The following HIVEP3 variants were observed in gnomAD, a reference collection of about 807,000 sequenced individuals.
HIVEP3 encodes the protein transcription factor HIVEP3.
Under a neutral mutation model 152.8 loss-of-function variants are expected in HIVEP3, and 49 were observed. That is an observed-to-expected ratio of 0.32 (90% confidence interval 0.26 to 0.41). HIVEP3 has a LOEUF of 0.41. Among genes scored for constraint, HIVEP3 ranks in the 10% least tolerant of loss-of-function variants. HIVEP3 has a pLI of 1.00. For synonymous variants in HIVEP3, 1,269 were observed against 1,289.0 expected (o/e 0.98, Z 0.33); for missense variants, 2,790 against 3,103.3 (o/e 0.90, Z 2.40).
chr1:41,785,514 G>A (rs1649295137), intron 1 of HIVEP3, among the ~76,000 whole-genome samples: 1 of 152,194 alleles, frequency 6.6e-6, no homozygotes, highest in African/African-American at 2.4e-5. Flanking sequence ...ACAAGGAATA[G>A]TGGTTAAATA....
chr1:42,034,117 G>T (rs1316051905), intron 1 of HIVEP3, among the ~76,000 whole-genome samples: 5 of 152,106 alleles, frequency 3.3e-5, no homozygotes. Context: ...TCTGAATTTT[G>T]TCTAAAAATA....
chr1:42,034,318 T>C (rs114608038), intron 1 of HIVEP3, among the ~76,000 whole-genome samples: 3,143 of 152,326 alleles, frequency 0.021, 65 homozygotes, highest in Non-Finnish European at 0.025. Flanking sequence ...ATTATCTAAG[T>C]AAAGTGGGCT....
intron 7 of HIVEP3, among the ~76,000 whole-genome samples, chr1:41,516,782 T>C (rs1385707673): frequency 6.6e-6 from 1 of 152,170 alleles, no homozygotes; most frequent in East Asian, 1.9e-4. Context: ...GCAGGAGAGC[T>C]CCTCCCTGAC....
At chr1:41,556,715 T>C (rs1240765738) in intron 5 of HIVEP3, among the ~76,000 whole-genome samples, 4 of 152,250 alleles carry the variant, frequency 2.6e-5, no homozygotes, top group African/African-American at 9.6e-5. Context: ...CCAAATCCAA[T>C]TTCATGAAGT....
At chr1:41,830,868 T>C (rs1199841800) in intron 1 of HIVEP3, among the ~76,000 whole-genome samples, 1 of 152,216 alleles carries the variant, frequency 6.6e-6, no homozygotes, top group East Asian at 1.9e-4. Flanking sequence ...GGGAGTATGT[T>C]GGCTCTTGCT....
At chr1:41,907,753 G>A (rs1644737197) in intron 1 of HIVEP3, among the ~76,000 whole-genome samples, 1 of 152,134 alleles carries the variant, frequency 6.6e-6, no homozygotes, top group Admixed American at 6.5e-5. Context: ...CCACATCAGA[G>A]TTATCAGTCG....
intron 1 of HIVEP3, among the ~76,000 whole-genome samples, chr1:41,973,046 G>GCACA (rs61424124): frequency 0.017 from 2,494 of 147,194 alleles, 61 homozygotes; most frequent in African/African-American, 0.056. Flanking sequence ...ACATGTGCGT[G>GCACA]CACACACACA....
At chr1:41,682,344 G>A (rs1646052251) in intron 2 of HIVEP3, among the ~76,000 whole-genome samples, 1 of 152,132 alleles carries the variant, frequency 6.6e-6, no homozygotes, top group Admixed American at 6.5e-5. Flanking sequence ...CTGTGGATGT[G>A]TCTGTCTCCC....
intron 5 of HIVEP3, among the ~76,000 whole-genome samples, chr1:41,557,415 AG>A (rs1190681638): frequency 6.6e-6 from 1 of 152,102 alleles, no homozygotes; most frequent in Non-Finnish European, 1.5e-5. Flanking sequence ...ATGGGTGCGG[AG>A]GGAGATGAGG....
At chr1:42,020,030 C>T (rs941253478) in intron 1 of HIVEP3, among the ~76,000 whole-genome samples, 1 of 152,018 alleles carries the variant, frequency 6.6e-6, no homozygotes, top group Non-Finnish European at 1.5e-5. Context: ...TGTTAAACTA[C>T]TCTTGAATTC....
chr1:42,010,744 C>T lies in HIVEP3; in HGVS notation n.119+25063G>A, dbSNP rs1645488403. ...TCATTCATAAGTTCAGAAAACCATT[C>T]TTAGAATTCAAATTGCTCTATACAC... On this transcript the variant is annotated intron_variant and non_coding_transcript_variant, in intron 1 of 3. Transcript: ENST00000489103. 2.6e-5 allele frequency among the ~76,000 whole-genome samples: 4 copies of T among 152,156 alleles called. No individual in the cohort carries two copies. The South Asian group carries it at 8.3e-4, about 32-fold the overall frequency.
intron 2 of HIVEP3, among the ~76,000 whole-genome samples, chr1:41,678,770 C>T (rs973962473): frequency 6.6e-6 from 1 of 152,232 alleles, no homozygotes; most frequent in African/African-American, 2.4e-5. Context: ...TCAGCATGCC[C>T]AGCCCTGCTC....
chr1:41,618,329 C>A (rs938320758), intron 3 of HIVEP3, among the ~76,000 whole-genome samples: 1 of 152,234 alleles, frequency 6.6e-6, no homozygotes, highest in Non-Finnish European at 1.5e-5. Context: ...AGGAGCCAAG[C>A]CTTGTTCCTT....
At chr1:42,006,567 C>CAAAAAA (rs35692836) in intron 1 of HIVEP3, among the ~76,000 whole-genome samples, 1 of 132,870 alleles carries the variant, frequency 7.5e-6, no homozygotes, top group Non-Finnish European at 1.6e-5. Context: ...TTTCCAAAGC[C>CAAAAAA]AAAAAAAAAA....
At chr1:41,681,905 C>T (rs1217871860) in intron 2 of HIVEP3, among the ~76,000 whole-genome samples, 1 of 152,164 alleles carries the variant, frequency 6.6e-6, no homozygotes, top group African/African-American at 2.4e-5. Context: ...TCCCAGCTCC[C>T]CTCTGGGAAT....
chr1:41,570,987 A>C (rs1644243957), intron 5 of HIVEP3, among the ~76,000 whole-genome samples: 1 of 152,192 alleles, frequency 6.6e-6, no homozygotes, highest in East Asian at 1.9e-4. Flanking sequence ...GGTATGCTTA[A>C]GGAGCACTCT....
chr1:41,876,173 A>T (rs2124420356), intron 1 of HIVEP3, among the ~76,000 whole-genome samples: 1 of 152,126 alleles, frequency 6.6e-6, no homozygotes, highest in East Asian at 1.9e-4. Context: ...TTCATCAAAA[A>T]TTTTTAAATG....
In HIVEP3 at chr1:41,957,662, AT is replaced by A. The variant is rs1645147122; in HGVS notation, n.120-39139del. ...AAGCTCAGAACTCTAGTGGAGGAGG[AT>A]GATTTCAGAAGGGCTTGTTCATGGT... On this transcript the variant is annotated intron_variant and non_coding_transcript_variant, in intron 1 of 3. Coordinates refer to the HIVEP3 transcript ENST00000489103. 3.9e-5 allele frequency among the ~76,000 whole-genome samples: 6 copies of A among 152,216 alleles called. No individual in the cohort carries two copies. In the South Asian group the frequency reaches 1.0e-3, roughly 26 times the overall value.
chr1:41,960,557 A>G (rs968732246), intron 1 of HIVEP3, among the ~76,000 whole-genome samples: 1 of 152,330 alleles, frequency 6.6e-6, no homozygotes, highest in Non-Finnish European at 1.5e-5. Context: ...AGCTCCTCGA[A>G]GGATTACACT....
Sources: gnomAD v4.1 joint callset for allele counts (sites outside exome capture counted in the v4.1 genomes callset) on GRCh38, gnomAD v4.1.1 for gene constraint, MANE v1.5 for transcripts, NCBI Gene and HGNC (gene_info 2026-07-23, HGNC 2026-07-21) for gene names.